The following HS3ST5 variants were observed in gnomAD, a reference collection of about 807,000 sequenced individuals.
The protein encoded by HS3ST5 is heparan sulfate-glucosamine 3-sulfotransferase 5, also known as heparan sulfate glucosamine 3-O-sulfotransferase 5.
HS3ST5 carries 10 observed loss-of-function variants against 25.4 expected under a neutral mutation model. The ratio of observed to expected loss-of-function variants is 0.39; its 90% CI spans 0.24 to 0.67. HS3ST5 has a LOEUF of 0.67. Among genes scored for constraint, HS3ST5 ranks in the 30% least tolerant of loss-of-function variants. The pLI, the probability that HS3ST5 is intolerant of heterozygous loss-of-function variation, is 0.44. For synonymous variants in HS3ST5, 170 were observed against 162.4 expected (o/e 1.05, Z -0.36); for missense variants, 324 against 420.7 (o/e 0.77, Z 2.01).
intron 1 of HS3ST5, among the ~76,000 whole-genome samples, chr6:114,324,229 A>G (rs1350983682): frequency 6.6e-6 from 1 of 152,222 alleles, no homozygotes; most frequent in Non-Finnish European, 1.5e-5. Context: ...GGATAAGAAA[A>G]ATCAGAAAGC....
chr6:114,141,439 C>T (rs922397917), intron 3 of HS3ST5, among the ~76,000 whole-genome samples: 16 of 151,996 alleles, frequency 1.1e-4, no homozygotes, highest in Admixed American at 9.2e-4. Flanking sequence ...GCTAAGCATA[C>T]GAGGGGTAAG....
intron 3 of HS3ST5, among the ~76,000 whole-genome samples, chr6:114,150,858 T>C (rs1005609594): frequency 4.6e-5 from 7 of 152,212 alleles, no homozygotes; most frequent in Non-Finnish European, 8.8e-5. Flanking sequence ...GTGAATTACA[T>C]TGGAAAACGT....
chr6:114,093,350 TG>T (rs1279012106), intron 3 of HS3ST5, among the ~76,000 whole-genome samples: 1 of 89,482 alleles, frequency 1.1e-5, no homozygotes, highest in African/African-American at 4.3e-5. Context: ...TTTGTTTGTT[TG>T]TTTGTGTGTG....
chr6:114,336,224 T>C (rs1292354727), intron 1 of HS3ST5, among the ~76,000 whole-genome samples: 1 of 152,242 alleles, frequency 6.6e-6, no homozygotes, highest in Non-Finnish European at 1.5e-5. Flanking sequence ...GAATTTTTAC[T>C]ATGTATGACA....
intron 2 of HS3ST5, among the ~76,000 whole-genome samples, chr6:114,223,211 G>C (rs1782124206): frequency 6.6e-6 from 1 of 151,320 alleles, no homozygotes; most frequent in Non-Finnish European, 1.5e-5. Flanking sequence ...CATAATTTTA[G>C]GTTAGAAAAT....
chr6:114,058,612 TGG>T (rs1026442507), intron 4 of HS3ST5: 4 of 157,992 alleles, frequency 2.5e-5, no homozygotes, highest in African/African-American at 9.6e-5. Flanking sequence ...ACATTTTGTG[TGG>T]TATTATTTTC....
At chr6:114,097,889 A>G (rs1326474828) in intron 3 of HS3ST5, among the ~76,000 whole-genome samples, 1 of 152,012 alleles carries the variant, frequency 6.6e-6, no homozygotes, top group Non-Finnish European at 1.5e-5. Context: ...GAGTAGTGAA[A>G]AATTTTGTGG....
intron 1 of HS3ST5, among the ~76,000 whole-genome samples, chr6:114,336,472 G>A (rs570813275): frequency 9.2e-5 from 14 of 152,296 alleles, no homozygotes; most frequent in African/African-American, 3.1e-4. Context: ...GGTGGGCATG[G>A]TGGCACATGC....
intron 3 of HS3ST5, among the ~76,000 whole-genome samples, chr6:114,104,802 C>T (rs1167467757): frequency 6.6e-6 from 1 of 152,118 alleles, no homozygotes; most frequent in Non-Finnish European, 1.5e-5. Flanking sequence ...TTTTTTGTAG[C>T]GTTGTGTATC....
At chr6:114,134,261 G>T (rs932523554) in intron 3 of HS3ST5, among the ~76,000 whole-genome samples, 1 of 152,142 alleles carries the variant, frequency 6.6e-6, no homozygotes, top group African/African-American at 2.4e-5. Context: ...ACAACCCCAT[G>T]AGGAGCGTAT....
chr6:114,259,881 C>CA, intron 1 of HS3ST5, among the ~76,000 whole-genome samples: 1 of 152,008 alleles, frequency 6.6e-6, no homozygotes. Flanking sequence ...CAACTAATGG[C>CA]AAAAAATTCC....
At chr6:114,307,011 G>A (rs898430398) in intron 1 of HS3ST5, among the ~76,000 whole-genome samples, 2 of 152,132 alleles carry the variant, frequency 1.3e-5, no homozygotes, top group African/African-American at 2.4e-5. Flanking sequence ...CACAATTAAC[G>A]ACAGTAGCAA....
chr6:114,243,459 T>C (rs1378132784), intron 1 of HS3ST5, among the ~76,000 whole-genome samples: 1 of 152,194 alleles, frequency 6.6e-6, no homozygotes, highest in Non-Finnish European at 1.5e-5. Flanking sequence ...CTGGACAAAT[T>C]CAACCTACAA....
intron 1 of HS3ST5, among the ~76,000 whole-genome samples, chr6:114,241,387 G>A (rs1169311198): frequency 1.3e-5 from 2 of 151,890 alleles, no homozygotes; most frequent in African/African-American, 4.8e-5. Context: ...CTCTGCTTCT[G>A]TTAGTCCTTG....
intron 1 of HS3ST5, among the ~76,000 whole-genome samples, chr6:114,294,590 C>T (rs1021890115): frequency 2.0e-5 from 3 of 152,092 alleles, no homozygotes; most frequent in African/African-American, 4.8e-5. Context: ...GGACTACAGG[C>T]GCCCGCCACT....
At chr6:114,282,126 T>C (rs1774140703) in intron 1 of HS3ST5, 1 of 152,054 alleles carries the variant, frequency 6.6e-6, no homozygotes, top group Non-Finnish European at 1.5e-5. Flanking sequence ...ATGTATATAA[T>C]ATTTGGAAAC....
chr6:114,233,060 T>C (rs79002163), intron 1 of HS3ST5, among the ~76,000 whole-genome samples: 1 of 12,086 alleles, frequency 8.3e-5, no homozygotes, highest in East Asian at 2.9e-3. Context: ...ACAGACACTC[T>C]TTTTTTTTTT....
intron 2 of HS3ST5, among the ~76,000 whole-genome samples, chr6:114,219,552 T>G (rs147341595): frequency 4.6e-5 from 7 of 152,262 alleles, no homozygotes; most frequent in South Asian, 2.1e-4. Flanking sequence ...ACAAAATGAA[T>G]TCAGGCCATC....
At chr6:114,058,333 G>A in intron 4 of HS3ST5, 143 bp from the exon 5 acceptor site, 1 of 653,120 alleles carries the variant, frequency 1.5e-6, no homozygotes, top group Non-Finnish European at 2.6e-6. Flanking sequence ...ATATGTTTGG[G>A]AAATTTTATT....
Sources: gnomAD v4.1 joint callset for allele counts (sites outside exome capture counted in the v4.1 genomes callset) on GRCh38, gnomAD v4.1.1 for gene constraint, MANE v1.5 for transcripts, NCBI Gene and HGNC (gene_info 2026-07-23, HGNC 2026-07-21) for gene names.